Variants in ZEB2 observed in about 807,000 individuals in gnomAD.
ZEB2 encodes the protein zinc finger E-box binding homeobox 2.
In ZEB2, 6 loss-of-function variants were observed where a neutral mutation model predicts 99.9. The ratio of observed to expected loss-of-function variants is 0.06; its 90% confidence interval spans 0.03 to 0.12. The LOEUF (loss-of-function observed/expected upper bound fraction) is 0.12. ZEB2 is among the 10% of genes least tolerant of loss of function. The probability of loss-of-function intolerance (pLI) is 1.00; values close to 1 mark genes in which losing one functional copy is unlikely to be tolerated. For synonymous variants in ZEB2, 517 were observed against 542.5 expected, an observed-to-expected ratio of 0.95 and a Z score of 0.65; for missense variants, 969 against 1,502.8, an observed-to-expected ratio of 0.64 and a Z score of 5.87.
chr2:144,397,402 G>A (rs1703243819), intron 8 of ZEB2, among the ~76,000 whole-genome samples: 1 of 152,214 alleles, frequency 6.6e-6, no homozygotes. Context: ...TGTTACAGAG[G>A]TGCACTGCTA....
intron 2 of ZEB2, chr2:144,507,424 C>T (rs1704965794): frequency 6.6e-6 from 1 of 152,184 alleles, no homozygotes; most frequent in African/African-American, 2.4e-5. Flanking sequence ...TAGTTCTAAC[C>T]ACTACTTCAA....
intron 2 of ZEB2, chr2:144,448,768 G>A (rs760732513): frequency 1.3e-5 from 2 of 152,170 alleles, no homozygotes; most frequent in Non-Finnish European, 2.9e-5. Flanking sequence ...GTCCTACAGC[G>A]TTCCACCATG....
At chr2:144,470,249 A>T (rs1340861623) in intron 2 of ZEB2, among the ~76,000 whole-genome samples, 1 of 152,226 alleles carries the variant, frequency 6.6e-6, no homozygotes, top group African/African-American at 2.4e-5. Flanking sequence ...AACACGCATG[A>T]ATCTTAAACA....
intron 1 of ZEB2, 25 bp from the exon 2 acceptor site, chr2:144,517,444 G>A: frequency 1.3e-6 from 2 of 1,491,414 alleles, no homozygotes; most frequent in Middle Eastern, 1.7e-4. Flanking sequence ...CAGCGACAAT[G>A]TGGGCATCGC....
chr2:144,412,590 T>C (rs1240748526), intron 4 of ZEB2, among the ~76,000 whole-genome samples: 1 of 152,222 alleles, frequency 6.6e-6, no homozygotes, highest in African/African-American at 2.4e-5. Flanking sequence ...CAATCTGTGT[T>C]TTAACAAGTC....
intron 8 of ZEB2, 136 bp downstream of exon 8, chr2:144,398,165 G>T: frequency 9.0e-7 from 1 of 1,114,170 alleles, no homozygotes; most frequent in Non-Finnish European, 1.3e-6. Context: ...GCCCACTGAT[G>T]GTTTTAGGTT....
At chr2:144,450,368 T>A (rs1207009646) in intron 2 of ZEB2, 1 of 152,226 alleles carries the variant, frequency 6.6e-6, no homozygotes, top group African/African-American at 2.4e-5. Flanking sequence ...AAAAGGTACA[T>A]ACTGAATGTA....
intron 4 of ZEB2, among the ~76,000 whole-genome samples, chr2:144,407,043 G>A (rs995021806): frequency 2.0e-5 from 3 of 152,164 alleles, no homozygotes; most frequent in Admixed American, 6.5e-5. Context: ...TTGATGGATG[G>A]TAGGTGACAT....
chr2:144,386,525 C>G lies in ZEB2; in HGVS notation c.*2926G>C, dbSNP rs1703085825. ...GAACAAATGACAGAGAAGGGGGTAACAGGAGGGGCAAGGCAGGGTCTGCCC... is the reference window on the plus strand; with the variant it reads ...GAACAAATGACAGAGAAGGGGGTAAGAGGAGGGGCAAGGCAGGGTCTGCCC... On this transcript the variant is annotated 3_prime_UTR_variant, in exon 10 of 10. Transcript: ENST00000627532. 1.3e-5 allele frequency: 2 copies of G among 152,106 alleles called. No homozygotes were observed. The allele number at this position is 152,106 out of a possible 1,614,324, so 9.4% of individuals were successfully genotyped here.
rs1219071782 is a variant in ZEB2 at position 144,387,699 on chromosome 2, ATTT to A, written c.*1749_*1751del. 6.6e-6 allele frequency: 1 copy of A among 152,170 alleles called. No individual in the cohort carries two copies. Among genetic ancestry groups the A allele is most frequent in the African/African-American group, 2.4e-5 (1 of 41,458 alleles). The allele number at this position is 152,170 out of a possible 1,614,324, so 9.4% of individuals were successfully genotyped here. A position where few individuals can be genotyped will look rare whatever the true frequency, so the allele number is the denominator to read the frequency against. Reference sequence around the variant, plus strand: ...AAAGACCCCTTGGACAGAGAAGTGAATTTTTAACACATAATCTCTAAATACTCG... The same window carrying A: ...AAAGACCCCTTGGACAGAGAAGTGAATTAACACATAATCTCTAAATACTCG... On this transcript the variant is annotated 3_prime_UTR_variant, in exon 10 of 10. Coordinates refer to ENST00000627532, the MANE Select transcript of ZEB2 (RefSeq NM_014795.4).
In ZEB2 at chr2:144,517,397, C is replaced by T. The variant is rs1705174828; in HGVS notation, c.-47G>A. ...CAGTTCGCATGGACTCGGCGCCCTG[C>T]TTCGGCAGCACGCAGGCTCGATCTA... On this transcript the variant is annotated 5_prime_UTR_variant, in exon 2 of 10. Coordinates refer to ENST00000627532, the MANE Select transcript of ZEB2 (RefSeq NM_014795.4). The T allele has an allele frequency of 6.2e-7, 1 of 1,608,008 alleles. No homozygotes were observed. The highest frequency in any genetic ancestry group is 1.3e-5 in the African/African-American group (1 of 74,774).
At chr2:144,446,813 G>A (rs368318984) in intron 2 of ZEB2, among the ~76,000 whole-genome samples, 6 of 151,996 alleles carry the variant, frequency 3.9e-5, no homozygotes, top group East Asian at 1.9e-4. Context: ...TCAGGAGTTC[G>A]AGACCAGCCT....
intron 2 of ZEB2, among the ~76,000 whole-genome samples, chr2:144,499,942 A>T (rs975511816): frequency 3.9e-5 from 6 of 152,234 alleles, no homozygotes; most frequent in Non-Finnish European, 7.3e-5. Context: ...CTATGGCAGC[A>T]TTTGTTCAGC....
At position 144,401,098 on chromosome 2, in the gene ZEB2, C is replaced by A. The variant is rs548624422; in HGVS notation, c.916+101G>T. 1.7e-5 allele frequency: 19 copies of A among 1,107,840 alleles called. No individual in the cohort carries two copies. In the African/African-American group the frequency reaches 2.8e-4, roughly 16 times the overall value. The allele number at this position is 1,107,840 out of a possible 1,614,324, so 68.6% of individuals were successfully genotyped here. On this transcript the variant is annotated intron_variant, in intron 7 of 9. Coordinates refer to ENST00000627532, the MANE Select transcript of ZEB2 (RefSeq NM_014795.4). ...AGTTGATGAAATAAATAGATAGTTC[C>A]AAAAAGCTACAAATAGGACTGTGTA...
At chr2:144,513,760 G>A (rs966811396) in intron 2 of ZEB2, 2 of 1,536,070 alleles carry the variant, frequency 1.3e-6, no homozygotes, top group Non-Finnish European at 8.7e-7. Flanking sequence ...CAGCAGCAGG[G>A]CATCTCCCGC....
At chr2:144,452,983 T>C (rs182007419) in intron 2 of ZEB2, among the ~76,000 whole-genome samples, 63 of 152,256 alleles carry the variant, frequency 4.1e-4, no homozygotes, top group African/African-American at 1.4e-3. Flanking sequence ...GGAATTCATT[T>C]TTTTTTACAG....
At chr2:144,513,576 C>CT (rs939977705) in intron 2 of ZEB2, 58 of 1,528,600 alleles carry the variant, frequency 3.8e-5, no homozygotes, top group African/African-American at 5.5e-5. Flanking sequence ...GTGCATGTCT[C>CT]TGTGAGATTT....
rs1419791492 is a variant in ZEB2 at position 144,480,737 on chromosome 2, AAAAG to A, written c.73+36537_73+36540del. Among the ~76,000 whole-genome samples the A allele has an allele frequency of 1.3e-3, 31 of 23,136 alleles. 1 individual carries two copies. Among genetic ancestry groups the A allele is most frequent in the African/African-American group, 1.4e-3 (15 of 10,488 alleles). 15.2% of individuals were successfully genotyped at this position (23,136 alleles called of 152,430 possible). A position where few individuals can be genotyped will look rare whatever the true frequency, so the allele number is the denominator to read the frequency against. On this transcript the variant is annotated intron_variant, in intron 2 of 9. Coordinates refer to ENST00000627532, the MANE Select transcript of ZEB2 (RefSeq NM_014795.4). Reference sequence around the variant, plus strand: ...TCTATACTAAAAGTTAAAAAAAAAAAAAAGAAAAAAAAGGACAAGGCTAATAAAT... The same window carrying A: ...TCTATACTAAAAGTTAAAAAAAAAAAAAAAAAAAGGACAAGGCTAATAAAT...
At chr2:144,447,537 T>C (rs1321146610) in intron 2 of ZEB2, among the ~76,000 whole-genome samples, 1 of 152,200 alleles carries the variant, frequency 6.6e-6, no homozygotes, top group Non-Finnish European at 1.5e-5. Flanking sequence ...GGAGAATTTT[T>C]GACTAGAAAA....
Sources: gnomAD v4.1 joint callset for allele counts (sites outside exome capture counted in the v4.1 genomes callset) on GRCh38, gnomAD v4.1.1 for gene constraint, MANE v1.5 for transcripts, NCBI Gene and HGNC (gene_info 2026-07-23, HGNC 2026-07-21) for gene names.